CEP70: variants seen among roughly 807,000 people sequenced by gnomAD.
CEP70 encodes centrosomal protein 70, also known as centrosomal protein of 70 kDa.
A neutral mutation model predicts 90.9 loss-of-function variants in CEP70; 70 were observed. The ratio of observed to expected loss-of-function variants is 0.77; its 90% CI spans 0.64 to 0.94. The LOEUF (loss-of-function observed/expected upper bound fraction) is 0.94. Ranked by LOEUF, CEP70 falls within the 40% of genes least tolerant of loss-of-function variation. The pLI, the probability that CEP70 is intolerant of heterozygous loss-of-function variation, is 0.00. For missense variants in CEP70, 648 were observed against 669.0 expected (o/e 0.97, Z 0.35); for synonymous variants, 220 against 228.3 (o/e 0.96, Z 0.33).
chr3:138,552,770 G>C (rs2039716087), intron 6 of CEP70, among the ~76,000 whole-genome samples: 1 of 152,092 alleles, frequency 6.6e-6, no homozygotes. Context: ...CAAGGAACTA[G>C]AGAAACAAGA....
At chr3:138,579,076 G>T (rs1478010130) in intron 2 of CEP70, among the ~76,000 whole-genome samples, 1 of 152,184 alleles carries the variant, frequency 6.6e-6, no homozygotes, top group African/African-American at 2.4e-5. Flanking sequence ...GCACTTAGGG[G>T]AAGTAAAGTG....
Position 138,509,163 on chromosome 3 carries a change from G to A in CEP70, c.945-619C>T, listed in dbSNP as rs116543871. ...AGAAGAAAGTTCTAACCACCCCCCA[G>A]CACCCACAAAAGACAGCACAAGAGA... is the stretch of plus-strand genomic sequence containing the variant. On this transcript the variant is annotated intron_variant, in intron 11 of 17. Transcript: ENST00000264982. 7.1e-3 allele frequency among the ~76,000 whole-genome samples: 1,079 copies of A among 152,202 alleles called. 13 individuals carry two copies. Among genetic ancestry groups the A allele is most frequent in the African/African-American group, 0.025 (1,033 of 41,510 alleles).
intron 2 of CEP70, among the ~76,000 whole-genome samples, chr3:138,591,650 G>A (rs909918491): frequency 3.9e-5 from 6 of 152,214 alleles, no homozygotes; most frequent in Admixed American, 2.6e-4. Context: ...TAGAGTTGGT[G>A]ATCAGCTTTC....
intron 7 of CEP70, among the ~76,000 whole-genome samples, chr3:138,536,178 A>G (rs2107803040): frequency 6.6e-6 from 1 of 152,236 alleles, no homozygotes; most frequent in East Asian, 1.9e-4. Flanking sequence ...AGAAGGTGCT[A>G]GTACATAAGA....
At chr3:138,530,638 C>T (rs1327118683) in intron 8 of CEP70, 9 of 985,442 alleles carry the variant, frequency 9.1e-6, no homozygotes, top group Non-Finnish European at 1.1e-5. Flanking sequence ...TTCAGTTCTA[C>T]AGGGTCACAG....
chr3:138,498,195 A>T, intron 16 of CEP70, 85 bp from the exon 17 acceptor site: 1 of 872,462 alleles, frequency 1.1e-6, no homozygotes, highest in Non-Finnish European at 1.8e-6. Flanking sequence ...TCAAAATAGA[A>T]ACTATATTGC....
rs1207655046 is a variant in CEP70, at chr3:138,500,863, T to G, written c.1240A>C (p.Lys414Gln). 6.3e-7 allele frequency: 1 copy of G among 1,583,250 alleles called. No individual in the cohort carries two copies. Among genetic ancestry groups the G allele is most frequent in the African/African-American group, 1.4e-5 (1 of 73,966 alleles). ...GGTACCAGTTCTGCAGATAGTGTTT[T>G]CAAGGACTTATACAAATCCTTTATA... ...TSLKDLYKSL[K>Q]TLSAELVPWL... The change falls in exon 14 of 18, where the codon AAA (lysine) becomes CAA (glutamine). Residue 414 changes from lysine to glutamine, a missense_variant. By Grantham distance (53) the Lys-to-Gln change is moderately conservative (BLOSUM62 1). Coordinates refer to ENST00000264982, the MANE Select transcript of CEP70 (RefSeq NM_024491.4).
chr3:138,503,200 T>G (rs185895093), intron 13 of CEP70, among the ~76,000 whole-genome samples: 3 of 152,180 alleles, frequency 2.0e-5, no homozygotes, highest in Non-Finnish European at 4.4e-5. Flanking sequence ...CCCTCCTCCC[T>G]CTAGCCATCA....
In CEP70 at chr3:138,509,402, C is replaced by T. The variant is rs550423967; in HGVS notation, c.945-858G>A. On this transcript the variant is annotated intron_variant, in intron 11 of 17. Transcript: ENST00000264982. ...CAGTCAAGAGGGCGTGGAGATCCAA[C>T]AGACCATTATTCCAGGTGGCTACTA... 7.2e-5 allele frequency among the ~76,000 whole-genome samples: 11 copies of T among 152,288 alleles called. No homozygotes were observed. The South Asian group carries it at 2.1e-3, about 29-fold the overall frequency.
At chr3:138,508,416 G>T in intron 12 of CEP70, 23 bp downstream of exon 12, 1 of 1,437,466 alleles carries the variant, frequency 7.0e-7, no homozygotes, top group Non-Finnish European at 9.8e-7. Flanking sequence ...CAGTCTTTTT[G>T]TCATGAAAAA....
chr3:138,497,490 T>A, intron 17 of CEP70: 1 of 970,710 alleles, frequency 1.0e-6, no homozygotes. Flanking sequence ...TTTTGCCTTA[T>A]GAGTCCTAAG....
At chr3:138,577,203 G>A (rs1271483613) in intron 2 of CEP70, among the ~76,000 whole-genome samples, 2 of 152,156 alleles carry the variant, frequency 1.3e-5, no homozygotes, top group African/African-American at 2.4e-5. Flanking sequence ...CGTGGGGTGG[G>A]GGGATGGGGG....
intron 2 of CEP70, among the ~76,000 whole-genome samples, chr3:138,586,007 A>G (rs1345452558): frequency 6.6e-6 from 1 of 152,228 alleles, no homozygotes; most frequent in African/African-American, 2.4e-5. Context: ...AGCACAGGCA[A>G]CCAAAGCAAA....
Position 138,538,560 on chromosome 3 carries a change from G to A in CEP70, c.466-1213C>T, listed in dbSNP as rs140989750. ...ATCCAAGAAAAACCCAAACAAGCCA[G>A]ACAGTGAAAACTGAAATAACTAATC... On this transcript the variant is annotated intron_variant, in intron 6 of 17. Transcript: ENST00000264982. Among the ~76,000 whole-genome samples, 5 of 152,264 alleles carry A rather than the reference G, an allele frequency of 3.3e-5. No homozygotes were observed. The East Asian group carries it at 9.7e-4, about 29-fold the overall frequency.
At chr3:138,496,313 T>C (rs2033954223) in intron 17 of CEP70, 1 of 985,334 alleles carries the variant, frequency 1.0e-6, no homozygotes, top group Non-Finnish European at 1.2e-6. Context: ...ACTATTCATT[T>C]AGTTCTTTTA....
Position 138,532,527 on chromosome 3 carries a change from T to C in CEP70, c.679A>G (p.Ile227Val). ...IDYYESKIRK[I>V]HTQRQYKEDE... ...GATTACTCGTACCTTTGTGTATGAA[T>C]TTTTCTAATTTTAGATTCATAGTAA... Residue 227 changes from isoleucine (I) to valine (V), a missense_variant, in exon 8 of 18, where the codon ATT becomes GTT. By Grantham distance (29) the Ile-to-Val change is conservative. Transcript: ENST00000264982. 6.6e-7 allele frequency: 1 copy of C among 1,509,782 alleles called. No individual in the cohort carries two copies. Among genetic ancestry groups the C allele is most frequent in the Non-Finnish European group, 8.9e-7 (1 of 1,127,742 alleles). 93.5% of individuals were successfully genotyped at this position (1,509,782 alleles called of 1,614,324 possible).
At position 138,496,327 on chromosome 3, in the gene CEP70, T is replaced by G. The variant is rs1325551312; in HGVS notation, c.1733-1251A>C. ...TACTATTCATTTAGTTCTTTTAAGC[T>G]CCCGACTTCAGTCAGAATACTTGTC... On this transcript the variant is annotated intron_variant, in intron 17 of 17. Transcript: ENST00000264982. The G allele has an allele frequency of 6.1e-6, 6 of 985,290 alleles. No homozygotes were observed. In the African/African-American group the frequency reaches 7.0e-5, roughly 11 times the overall value. The allele number at this position is 985,290 out of a possible 1,614,324, so 61.0% of individuals were successfully genotyped here. A position where few individuals can be genotyped will look rare whatever the true frequency, so the allele number is the denominator to read the frequency against.
intron 2 of CEP70, among the ~76,000 whole-genome samples, chr3:138,585,917 C>T (rs2042084072): frequency 6.6e-6 from 1 of 152,150 alleles, no homozygotes; most frequent in Admixed American, 6.5e-5. Flanking sequence ...AGCCCTCAAA[C>T]TATGAAAGTA....
intron 6 of CEP70, among the ~76,000 whole-genome samples, chr3:138,560,000 T>C (rs1410526306): frequency 6.6e-6 from 1 of 152,170 alleles, no homozygotes; most frequent in Non-Finnish European, 1.5e-5. Context: ...TTGGTCAGAA[T>C]GTGAAATGAT....
Sources: gnomAD v4.1 joint callset for allele counts (sites outside exome capture counted in the v4.1 genomes callset) on GRCh38, gnomAD v4.1.1 for gene constraint, MANE v1.5 for transcripts, NCBI Gene and HGNC (gene_info 2026-07-23, HGNC 2026-07-21) for gene names.